CAST: variants seen among roughly 807,000 people sequenced by gnomAD.
CAST encodes calpastatin, also known as MIR583 host.
A neutral mutation model predicts 119.6 loss-of-function variants in CAST; 76 were observed. The observed-to-expected ratio is 0.64, with a 90% CI of 0.53 to 0.77. The LOEUF (loss-of-function observed/expected upper bound fraction) is 0.77, where lower values mean the gene tolerates loss of function less well. Among genes scored for constraint, CAST ranks in the 30% least tolerant of loss-of-function variants. CAST has a pLI of 0.00. For synonymous variants in CAST, 319 were observed against 331.6 expected, an observed-to-expected ratio of 0.96 and a Z score of 0.41; for missense variants, 953 against 946.5, an observed-to-expected ratio of 1.01 and a Z score of -0.09.
the CAST span, among the ~76,000 whole-genome samples, chr5:96,474,648 G>A: frequency 1.3e-5 from 2 of 152,100 alleles, no homozygotes; most frequent in South Asian, 2.1e-4. Flanking sequence ...GGAAGAGCTC[G>A]GAAGGCCATG....
In CAST at chr5:96,766,049, A is replaced by T; in HGVS notation, c.2038-4A>T. Reference sequence around the variant, plus strand: ...TTAATTCTATCTGCTCACTGTTGATATAGGAAAAAGCTAAAGCTGAACATA... The same window carrying T: ...TTAATTCTATCTGCTCACTGTTGATTTAGGAAAAAGCTAAAGCTGAACATA... On this transcript the variant is annotated splice_polypyrimidine_tract_variant and splice_region_variant and intron_variant, in intron 26 of 31. Coordinates refer to ENST00000675179, the MANE Select transcript of CAST (RefSeq NM_001750.7). The T allele has an allele frequency of 6.4e-7, 1 of 1,550,626 alleles. No homozygotes were observed. The highest frequency in any genetic ancestry group is 8.9e-7 in the Non-Finnish European group (1 of 1,124,258).
chr5:96,651,564 C>A (rs1748095221), intron 1 of CAST, among the ~76,000 whole-genome samples: 1 of 152,142 alleles, frequency 6.6e-6, no homozygotes, highest in African/African-American at 2.4e-5. Flanking sequence ...GGGATAGTTG[C>A]CTTGATGTGT....
the CAST span, among the ~76,000 whole-genome samples, chr5:96,440,513 C>T: frequency 6.6e-6 from 1 of 151,928 alleles, no homozygotes; most frequent in South Asian, 2.1e-4. Flanking sequence ...AGGAGAGGAG[C>T]AGGTAGCAAA....
the CAST span, among the ~76,000 whole-genome samples, chr5:96,021,735 T>G: frequency 6.6e-6 from 1 of 152,166 alleles, no homozygotes; most frequent in African/African-American, 2.4e-5. Context: ...TGTGAGCCAC[T>G]GCGCCTGGCT....
the CAST span, among the ~76,000 whole-genome samples, chr5:96,253,077 A>C: frequency 6.6e-6 from 1 of 152,170 alleles, no homozygotes; most frequent in Non-Finnish European, 1.5e-5. Flanking sequence ...TTTTTTAAAA[A>C]AATAACCAAA....
chr5:96,745,310 A>G (rs1763530609), intron 16 of CAST, among the ~76,000 whole-genome samples: 1 of 152,252 alleles, frequency 6.6e-6, no homozygotes, highest in Non-Finnish European at 1.5e-5. Flanking sequence ...CTGGTCCATT[A>G]AAAGTGCTCA....
intron 1 of CAST, among the ~76,000 whole-genome samples, chr5:96,553,479 A>G (rs559430388): frequency 1.5e-4 from 23 of 152,312 alleles, no homozygotes; most frequent in African/African-American, 5.3e-4. Flanking sequence ...ACCTGGGAGC[A>G]TTCCCTTTGA....
At chr5:96,687,263 C>G (rs1452867467) in intron 2 of CAST, among the ~76,000 whole-genome samples, 2 of 152,088 alleles carry the variant, frequency 1.3e-5, no homozygotes, top group African/African-American at 4.8e-5. Flanking sequence ...AGTATTCTTG[C>G]TATGAGTGGG....
chr5:96,681,732 CAA>C lies in CAST; in HGVS notation c.138+6151_138+6152del, dbSNP rs70981836. Among the ~76,000 whole-genome samples, 500 of 89,412 alleles carry C rather than the reference CAA, an allele frequency of 5.6e-3. 2 individuals are homozygous for C. The highest frequency in any genetic ancestry group is 0.017 in the African/African-American group (402 of 23,002). The allele number at this position is 89,412 out of a possible 152,430, so 58.7% of individuals were successfully genotyped here. A position where few individuals can be genotyped will look rare whatever the true frequency, so the allele number is the denominator to read the frequency against. ...TGGGCGACAGAGCGAGACTCCGTCT[CAA>C]AAAAAAAAAAAAAAAAAAATACTAC... On this transcript the variant is annotated intron_variant, in intron 2 of 31. Coordinates refer to ENST00000675179, the MANE Select transcript of CAST (RefSeq NM_001750.7).
At chr5:96,305,974 T>C in the CAST span, among the ~76,000 whole-genome samples, 1 of 152,200 alleles carries the variant, frequency 6.6e-6, no homozygotes. Context: ...TCATAAAATG[T>C]GTGAAGGAGG....
At chr5:96,457,179 C>A in the CAST span, among the ~76,000 whole-genome samples, 1 of 152,160 alleles carries the variant, frequency 6.6e-6, no homozygotes, top group Non-Finnish European at 1.5e-5. Context: ...CACACCAAAT[C>A]AATCCTCACA....
the CAST span, among the ~76,000 whole-genome samples, chr5:96,339,959 G>T: frequency 2.0e-5 from 3 of 152,160 alleles, no homozygotes; most frequent in Admixed American, 1.3e-4. Flanking sequence ...AGCTCTGTGG[G>T]TTAGGATCCT....
the CAST span, among the ~76,000 whole-genome samples, chr5:96,366,118 T>A: frequency 6.6e-6 from 1 of 152,040 alleles, no homozygotes; most frequent in Admixed American, 6.5e-5. Flanking sequence ...AAATTCTGGG[T>A]TGAAAATTCT....
At position 96,740,783 on chromosome 5, in the gene CAST, G is replaced by A. The variant is rs7724759; in HGVS notation, c.918G>A (p.Ser306=). ...TCACAGGGCCTCCTGCAGACTCTTC[G>A]GTGAGTTTACATACATGTCTTCTGA... is the stretch of plus-strand genomic sequence containing the variant. ...EGITGPPADS[S]KPIGPDDAID... Residue 306 remains serine, a splice_region_variant and synonymous_variant, in exon 13 of 32, where the codon TCG becomes TCA. Coordinates refer to ENST00000675179, the MANE Select transcript of CAST (RefSeq NM_001750.7). The A allele has an allele frequency of 0.29, 453,548 of 1,575,622 alleles. 70,217 individuals carry two copies. Among genetic ancestry groups the A allele is most frequent in the Non-Finnish European group, 0.32 (365,143 of 1,145,278 alleles).
intron 4 of CAST, among the ~76,000 whole-genome samples, chr5:96,724,808 G>C (rs1758962338): frequency 6.8e-6 from 1 of 147,606 alleles, no homozygotes; most frequent in African/African-American, 2.5e-5. Context: ...AGGTGACAGA[G>C]CAAGACCCTG....
At chr5:96,166,966 G>A in the CAST span, among the ~76,000 whole-genome samples, 2 of 152,092 alleles carry the variant, frequency 1.3e-5, no homozygotes, top group African/African-American at 4.8e-5. Flanking sequence ...AACCTAGAGT[G>A]GGAGAGATTA....
the CAST span, among the ~76,000 whole-genome samples, chr5:96,469,312 G>A: frequency 6.6e-6 from 1 of 152,012 alleles, no homozygotes; most frequent in South Asian, 2.1e-4. Context: ...GAGTCTAGAT[G>A]TTCAAAAACA....
the CAST span, among the ~76,000 whole-genome samples, chr5:96,353,891 C>T: frequency 1.2e-4 from 19 of 152,132 alleles, no homozygotes; most frequent in Admixed American, 2.0e-4. Flanking sequence ...GTCTCTATCT[C>T]GATCATCTGT....
At chr5:96,069,782 T>G in the CAST span, among the ~76,000 whole-genome samples, 2 of 149,646 alleles carry the variant, frequency 1.3e-5, no homozygotes, top group Admixed American at 1.4e-4. Flanking sequence ...ATTACAGGCA[T>G]GAGCCACCAC....
Sources: allele counts gnomAD v4.1 joint callset (sites outside exome capture counted in the v4.1 genomes callset), GRCh38; gene constraint gnomAD v4.1.1; transcripts MANE v1.5; gene names NCBI Gene and HGNC (gene_info 2026-07-23, HGNC 2026-07-21).